GRIA3: variants seen among roughly 807,000 people sequenced by gnomAD.
GRIA3 encodes the protein glutamate ionotropic receptor AMPA type subunit 3.
In GRIA3, 3 loss-of-function variants were observed where a neutral mutation model predicts 63.0. That is an observed-to-expected ratio of 0.05 (90% confidence interval 0.02 to 0.12). The LOEUF (loss-of-function observed/expected upper bound fraction) is 0.12. Ranked by LOEUF, GRIA3 falls within the 10% of genes least tolerant of loss-of-function variation. The pLI, the probability that GRIA3 is intolerant of heterozygous loss-of-function variation, is 1.00. For missense variants in GRIA3, 347 were observed against 700.9 expected (o/e 0.50, Z 5.70); for synonymous variants, 274 against 257.9 (o/e 1.06, Z -0.60).
intron 10 of GRIA3, among the ~76,000 whole-genome samples, chrX:123,412,869 A>C (rs746790668): frequency 9.0e-6 from 1 of 110,980 alleles, no homozygotes; most frequent in East Asian, 2.8e-4. Context: ...CACCCTCCAA[A>C]ACATAGACAA....
At chrX:123,293,993 G>A (rs1164708515) in intron 3 of GRIA3, among the ~76,000 whole-genome samples, 1 of 109,121 alleles carries the variant, frequency 9.2e-6, no homozygotes, top group Non-Finnish European at 1.9e-5. Context: ...AGCCAATAAT[G>A]TCTTTCTTTC....
In GRIA3 at chrX:123,339,685, A is replaced by T. The variant is rs150759659; in HGVS notation, c.696+13472A>T. 1.2e-3 allele frequency among the ~76,000 whole-genome samples: 135 copies of T among 112,474 alleles called. 1 individual carries two copies. Among genetic ancestry groups the T allele is most frequent in the Middle Eastern group, 4.6e-3 (1 of 218 alleles). On this transcript the variant is annotated intron_variant, in intron 4 of 15. Coordinates refer to ENST00000620443, the MANE Select transcript of GRIA3 (RefSeq NM_007325.5). ...TGAAGATCATCTGGTTTGGAAAGGG[A>T]TGGAAATGTATAATTGCATAAGTAT...
At chrX:123,307,837 C>T (rs186465149) in intron 3 of GRIA3, among the ~76,000 whole-genome samples, 23 of 111,444 alleles carry the variant, frequency 2.1e-4, no homozygotes, top group African/African-American at 5.9e-4. Flanking sequence ...GGAAAGGCAA[C>T]GGACAACAGG....
chrX:123,457,393 C>A (rs765880874), intron 12 of GRIA3, among the ~76,000 whole-genome samples: 1 of 111,812 alleles, frequency 8.9e-6, no homozygotes, highest in African/African-American at 3.2e-5. Context: ...AAGATGAGCA[C>A]CCCAAAGTCA....
At chrX:123,283,952 G>A (rs2044602164) in intron 3 of GRIA3, among the ~76,000 whole-genome samples, 1 of 112,651 alleles carries the variant, frequency 8.9e-6, no homozygotes, top group South Asian at 3.7e-4. Context: ...CTCCTGACTA[G>A]GAGACACCTC....
intron 5 of GRIA3, among the ~76,000 whole-genome samples, chrX:123,365,259 A>T (rs2045202885): frequency 8.9e-6 from 1 of 111,795 alleles, no homozygotes; most frequent in Non-Finnish European, 1.9e-5. Flanking sequence ...AATATTAATA[A>T]TTAAAAAAGA....
chrX:123,363,264 T>G (rs1433459881), intron 5 of GRIA3, among the ~76,000 whole-genome samples: 1 of 111,879 alleles, frequency 8.9e-6, no homozygotes, highest in African/African-American at 3.2e-5. Context: ...TCACCCATAA[T>G]CTATCATCAA....
At chrX:123,224,149 G>A (rs1342835317) in intron 2 of GRIA3, among the ~76,000 whole-genome samples, 1 of 111,574 alleles carries the variant, frequency 9.0e-6, no homozygotes, top group Non-Finnish European at 1.9e-5. Context: ...CTTCTGTGAT[G>A]GGGTCTCTCT....
intron 13 of GRIA3, among the ~76,000 whole-genome samples, chrX:123,475,681 T>G (rs1319340377): frequency 8.9e-6 from 1 of 112,202 alleles, no homozygotes; most frequent in Non-Finnish European, 1.9e-5. Context: ...GGGCCTGCAG[T>G]AATTGCTGTG....
At chrX:123,476,533 T>C (rs1193095361) in intron 13 of GRIA3, among the ~76,000 whole-genome samples, 2 of 111,650 alleles carry the variant, frequency 1.8e-5, no homozygotes, top group African/African-American at 6.5e-5. Context: ...TTCTAGGAGA[T>C]TTGGATTTTA....
chrX:123,342,180 C>T, intron 4 of GRIA3, among the ~76,000 whole-genome samples: 1 of 112,176 alleles, frequency 8.9e-6, no homozygotes, highest in Middle Eastern at 4.6e-3. Flanking sequence ...CCCCAATCAG[C>T]GCCCCCTGCT....
rs981789233 is a variant in GRIA3 at position 123,471,209 on chromosome X, C to G, written c.2324+6097C>G. Among the ~76,000 whole-genome samples the G allele has an allele frequency of 3.6e-5, 4 of 111,609 alleles. No homozygotes were observed. In the Admixed American group the frequency reaches 3.8e-4, roughly 11 times the overall value. On this transcript the variant is annotated intron_variant, in intron 13 of 15. Transcript: ENST00000620443. ...CAAATCCTCACTTTCTCTCAAGTGA[C>G]TGCTTCAAGCAAGGGACCTGTTGCC... is the stretch of plus-strand genomic sequence containing the variant.
chrX:123,351,148 G>A (rs1238982055), intron 4 of GRIA3, among the ~76,000 whole-genome samples: 4 of 112,117 alleles, frequency 3.6e-5, no homozygotes, highest in Non-Finnish European at 7.5e-5. Flanking sequence ...GGTTACCAGA[G>A]TCATTAAGTA....
At chrX:123,271,415 T>A (rs1322724747) in intron 3 of GRIA3, among the ~76,000 whole-genome samples, 2 of 112,197 alleles carry the variant, frequency 1.8e-5, no homozygotes, top group Non-Finnish European at 1.9e-5. Flanking sequence ...TAAAAATCTA[T>A]ATTTTTAGAG....
At chrX:123,447,628 T>C (rs2045709705) in intron 12 of GRIA3, among the ~76,000 whole-genome samples, 1 of 112,505 alleles carries the variant, frequency 8.9e-6, no homozygotes, top group Non-Finnish European at 1.9e-5. Flanking sequence ...GTCTGTTTCT[T>C]ATTTTTTGTT....
At chrX:123,459,211 C>T (rs1036368581) in intron 12 of GRIA3, among the ~76,000 whole-genome samples, 2 of 111,362 alleles carry the variant, frequency 1.8e-5, no homozygotes, top group Non-Finnish European at 1.9e-5. Flanking sequence ...AAGTGTGATT[C>T]AAACCCAAGC....
intron 3 of GRIA3, among the ~76,000 whole-genome samples, chrX:123,280,375 G>A (rs2044579112): frequency 1.8e-5 from 2 of 111,836 alleles, no homozygotes; most frequent in Admixed American, 9.5e-5. Context: ...GGTGCTTTTG[G>A]GTCTGGCTAT....
rs199724359 is a variant in GRIA3 at position 123,312,176 on chromosome X, T to TA, written c.509-13845dup. On this transcript the variant is annotated intron_variant, in intron 3 of 15. Coordinates refer to ENST00000620443, the MANE Select transcript of GRIA3 (RefSeq NM_007325.5). ...CAATTTAAAACCTGAGGGATGAGAGTAAAAACATTATACATCACAATACAA... is the reference window on the plus strand; with the variant it reads ...CAATTTAAAACCTGAGGGATGAGAGTAAAAAACATTATACATCACAATACAA... 7.9e-3 allele frequency among the ~76,000 whole-genome samples: 875 copies of TA among 111,399 alleles called. 22 individuals carry two copies. Among genetic ancestry groups the TA allele is most frequent in the East Asian group, 0.042 (147 of 3,526 alleles).
chrX:123,261,057 C>T (rs1033925346), intron 3 of GRIA3, among the ~76,000 whole-genome samples: 5 of 111,703 alleles, frequency 4.5e-5, no homozygotes, highest in African/African-American at 1.6e-4. Context: ...GAGAAAGTGC[C>T]GAGCAATTTG....
Sources: allele counts gnomAD v4.1 joint callset (sites outside exome capture counted in the v4.1 genomes callset), GRCh38; gene constraint gnomAD v4.1.1; transcripts MANE v1.5; gene names NCBI Gene and HGNC (gene_info 2026-07-23, HGNC 2026-07-21).